Variants in NTN1 observed in about 807,000 individuals in gnomAD.
NTN1 encodes netrin-1.
NTN1 carries 11 observed loss-of-function variants against 54.2 expected under a neutral mutation model. The ratio of observed to expected loss-of-function variants is 0.20; its 90% CI spans 0.13 to 0.34. The LOEUF (loss-of-function observed/expected upper bound fraction) is 0.34. Among genes scored for constraint, NTN1 ranks in the 10% least tolerant of loss-of-function variants. The pLI is 1.00. For missense variants in NTN1, 740 were observed against 893.1 expected, an observed-to-expected ratio of 0.83 and a Z score of 2.18; for synonymous variants, 371 against 382.0, an observed-to-expected ratio of 0.97 and a Z score of 0.33.
At chr17:9,226,879 C>T (rs897242558) in intron 6 of NTN1, among the ~76,000 whole-genome samples, 10 of 151,940 alleles carry the variant, frequency 6.6e-5, no homozygotes, top group African/African-American at 2.4e-4. Context: ...ACCTGCCCTG[C>T]GGTCACACAG....
intron 2 of NTN1, among the ~76,000 whole-genome samples, chr17:9,068,121 A>C (rs536557104): frequency 1.1e-4 from 16 of 152,226 alleles, no homozygotes; most frequent in African/African-American, 3.9e-4. Context: ...TGAATAAACT[A>C]CCAGGCTAGA....
intron 6 of NTN1, among the ~76,000 whole-genome samples, chr17:9,234,166 C>A (rs979150430): frequency 5.9e-5 from 9 of 152,198 alleles, no homozygotes; most frequent in Non-Finnish European, 1.2e-4. Flanking sequence ...GTAGGCAGGG[C>A]GGCAGGTGTG....
intron 2 of NTN1, among the ~76,000 whole-genome samples, chr17:9,159,452 A>G (rs2092351546): frequency 6.6e-6 from 1 of 152,200 alleles, no homozygotes; most frequent in South Asian, 2.1e-4. Context: ...TGGTAGGTGT[A>G]TAAGCCAGTA....
At chr17:9,130,449 C>T (rs993818039) in intron 2 of NTN1, among the ~76,000 whole-genome samples, 1 of 152,074 alleles carries the variant, frequency 6.6e-6, no homozygotes, top group Non-Finnish European at 1.5e-5. Context: ...TGTGAGAGGC[C>T]CCGTGTCTGT....
chr17:9,092,064 AT>A, intron 2 of NTN1, among the ~76,000 whole-genome samples: 1 of 151,024 alleles, frequency 6.6e-6, no homozygotes, highest in African/African-American at 2.4e-5. Context: ...TAATTTTTGT[AT>A]TTTTAGTAGA....
chr17:9,027,027 C>T (rs765313160), intron 2 of NTN1, among the ~76,000 whole-genome samples: 7 of 151,962 alleles, frequency 4.6e-5, no homozygotes, highest in Non-Finnish European at 7.4e-5. Context: ...GGTTGGGGGT[C>T]GGGGGATGTC....
chr17:9,121,161 G>T (rs530628475), intron 2 of NTN1, among the ~76,000 whole-genome samples: 1 of 152,086 alleles, frequency 6.6e-6, no homozygotes, highest in East Asian at 1.9e-4. Context: ...CCCTGCAGCC[G>T]CTTGTTCATG....
At chr17:9,066,786 G>A (rs2092016295) in intron 2 of NTN1, among the ~76,000 whole-genome samples, 1 of 152,062 alleles carries the variant, frequency 6.6e-6, no homozygotes, top group Admixed American at 6.5e-5. Flanking sequence ...GATCACCTGA[G>A]GTCAGGAGTT....
intron 2 of NTN1, among the ~76,000 whole-genome samples, chr17:9,121,366 T>C (rs2092231204): frequency 2.0e-5 from 3 of 152,076 alleles, no homozygotes; most frequent in Non-Finnish European, 4.4e-5. Flanking sequence ...CAGTATAATA[T>C]CTGGCAATTG....
intron 5 of NTN1, chr17:9,183,600 G>C (rs1293076519): frequency 7.4e-6 from 2 of 271,374 alleles, no homozygotes; most frequent in African/African-American, 4.6e-5. Flanking sequence ...TTCTCAAAAC[G>C]ACAGAAGTTA....
Position 9,127,079 on chromosome 17 carries a change from G to GGA in NTN1, c.1019-35733_1019-35732insAG, listed in dbSNP as rs1555570085. Among the ~76,000 whole-genome samples the GGA allele has an allele frequency of 1.6e-4, 23 of 140,918 alleles. No individual in the cohort carries two copies. In the South Asian group the frequency reaches 2.7e-3, roughly 17 times the overall value. The allele number at this position is 140,918 out of a possible 152,430, so 92.4% of individuals were successfully genotyped here. A position where few individuals can be genotyped will look rare whatever the true frequency, so the allele number is the denominator to read the frequency against. ...TGAGATTGTGGTAGGGCCGGGGGGGGGCAGGACAGGGAGTTAGGATTTTAT... is the reference window on the plus strand; with the variant it reads ...TGAGATTGTGGTAGGGCCGGGGGGGGGAGCAGGACAGGGAGTTAGGATTTTAT... On this transcript the variant is annotated intron_variant, in intron 2 of 6. Transcript: ENST00000173229.
intron 2 of NTN1, among the ~76,000 whole-genome samples, chr17:9,073,555 G>A (rs1038943893): frequency 2.0e-5 from 3 of 152,198 alleles, no homozygotes; most frequent in African/African-American, 7.2e-5. Context: ...TGATTTTAGA[G>A]GTTGAGAGGA....
chr17:9,148,713 C>A (rs1056268339), intron 2 of NTN1, among the ~76,000 whole-genome samples: 1 of 151,836 alleles, frequency 6.6e-6, no homozygotes, highest in African/African-American at 2.4e-5. Context: ...GTTGGGCACA[C>A]GGGGGTCCAG....
chr17:9,079,078 G>A (rs1197275523), intron 2 of NTN1, among the ~76,000 whole-genome samples: 1 of 152,168 alleles, frequency 6.6e-6, no homozygotes, highest in Non-Finnish European at 1.5e-5. Flanking sequence ...GAAGACCCAT[G>A]GGCAGGAAGA....
chr17:9,121,107 G>A (rs906068326), intron 2 of NTN1, among the ~76,000 whole-genome samples: 2 of 152,090 alleles, frequency 1.3e-5, no homozygotes, highest in African/African-American at 2.4e-5. Context: ...AGAAGGAAGC[G>A]GATGGCCCTG....
At chr17:9,224,811 G>GGGGGGGGC (rs71361878) in intron 6 of NTN1, among the ~76,000 whole-genome samples, 1 of 151,362 alleles carries the variant, frequency 6.6e-6, no homozygotes, top group Non-Finnish European at 1.5e-5. Flanking sequence ...GGGTGGGGGG[G>GGGGGGGGC]CACAGTGGGA....
the NTN1 span, among the ~76,000 whole-genome samples, chr17:9,012,079 G>GAAGGAATCTGGGCCTTA: frequency 6.6e-6 from 1 of 152,172 alleles, no homozygotes; most frequent in African/African-American, 2.4e-5. Flanking sequence ...ATGTGGAAAA[G>GAAGGAATCTGGGCCTTA]AAGGAATCTG....
At chr17:9,119,104 A>C (rs917493439) in intron 2 of NTN1, among the ~76,000 whole-genome samples, 15 of 152,252 alleles carry the variant, frequency 9.9e-5, no homozygotes, top group Admixed American at 9.2e-4. Context: ...TGTTCCCACC[A>C]GCAATGTATG....
chr17:9,169,256 A>G (rs531991354), intron 3 of NTN1, among the ~76,000 whole-genome samples: 8 of 152,348 alleles, frequency 5.3e-5, no homozygotes, highest in African/African-American at 1.9e-4. Flanking sequence ...CATGCTTCTT[A>G]AGTAGTCAAC....
Sources: gnomAD v4.1 joint callset for allele counts (sites outside exome capture counted in the v4.1 genomes callset) on GRCh38, gnomAD v4.1.1 for gene constraint, MANE v1.5 for transcripts, NCBI Gene and HGNC (gene_info 2026-07-23, HGNC 2026-07-21) for gene names.